C8orf88: variants seen among roughly 807,000 people sequenced by gnomAD.
The protein encoded by C8orf88 is chromosome 8 open reading frame 88.
Under a neutral mutation model 18.4 loss-of-function variants are expected in C8orf88, and 14 were observed. The ratio of observed to expected loss-of-function variants is 0.76; its 90% CI spans 0.50 to 1.19. The LOEUF is 1.19. Ranked by LOEUF, C8orf88 falls within the 50% of genes most tolerant of loss-of-function variation. The pLI is 0.00. For synonymous variants in C8orf88, 45 were observed against 42.9 expected, an observed-to-expected ratio of 1.05 and a Z score of -0.19; for missense variants, 116 against 134.7, an observed-to-expected ratio of 0.86 and a Z score of 0.69.
chr8:90,959,089 AGTTT>A (rs1426234382), intron 5 of C8orf88, 59 bp from the exon 6 acceptor site: 1 of 803,182 alleles, frequency 1.2e-6, no homozygotes, highest in Non-Finnish European at 1.9e-6. Context: ...TTTACTAATT[AGTTT>A]ATCAAACCAA....
intron 1 of C8orf88, among the ~76,000 whole-genome samples, chr8:90,983,240 T>C (rs1211203154): frequency 1.3e-5 from 2 of 152,188 alleles, no homozygotes; most frequent in African/African-American, 2.4e-5. Context: ...TGTATAGTTT[T>C]GTGGTATAAA....
At chr8:90,971,019 T>C (rs1489902772) in intron 4 of C8orf88, 47 bp downstream of exon 4, 1 of 1,105,420 alleles carries the variant, frequency 9.0e-7, no homozygotes, top group South Asian at 1.5e-5. Flanking sequence ...TTTATATGAA[T>C]GCTAAGACAT....
At chr8:90,970,982 G>T (rs1373960961) in intron 4 of C8orf88, 84 bp downstream of exon 4, 5 of 694,640 alleles carry the variant, frequency 7.2e-6, no homozygotes, top group Non-Finnish European at 1.1e-5. Context: ...ATATAAGTTT[G>T]CATCTAAGTG....
intron 1 of C8orf88, among the ~76,000 whole-genome samples, chr8:90,980,996 T>C (rs958557350): frequency 4.6e-5 from 7 of 152,230 alleles, no homozygotes; most frequent in African/African-American, 1.7e-4. Context: ...AATTTGGCTT[T>C]GGTCTTCTTA....
Position 90,960,725 on chromosome 8 carries a change from C to G in C8orf88, c.330+17G>C, listed in dbSNP as rs556058624. Reference sequence around the variant, plus strand: ...TTGTAATATAATATTACAATACAAACTTAGAAAACTACTTACTGGTTTTTG... The same window carrying G: ...TTGTAATATAATATTACAATACAAAGTTAGAAAACTACTTACTGGTTTTTG... On this transcript the variant is annotated intron_variant, in intron 5 of 5. Transcript: ENST00000517562. 27 of 1,432,250 alleles carry G rather than the reference C, an allele frequency of 1.9e-5. 1 individual carries two copies. In the South Asian group the frequency reaches 2.9e-4, roughly 15 times the overall value. 88.7% of individuals were successfully genotyped at this position (1,432,250 alleles called of 1,614,324 possible).
chr8:90,958,795 T>C lies in C8orf88; in HGVS notation c.*212A>G, dbSNP rs965955458. On this transcript the variant is annotated 3_prime_UTR_variant, in exon 6 of 6. Coordinates refer to ENST00000517562, the MANE Select transcript of C8orf88 (RefSeq NM_001190972.2). ...CCAAATTCCTACTTTCCAGTGTTAC[T>C]TCCCAATTTATGCAGGAAACCTCCT... 2 of 411,820 alleles carry C rather than the reference T, an allele frequency of 4.9e-6. No individual in the cohort carries two copies. Among genetic ancestry groups the C allele is most frequent in the Non-Finnish European group, 8.6e-6 (2 of 232,492 alleles). 25.5% of individuals were successfully genotyped at this position (411,820 alleles called of 1,614,324 possible).
At position 90,958,891 on chromosome 8, in the gene C8orf88, A is replaced by G; in HGVS notation, c.*116T>C. The G allele has an allele frequency of 1.6e-6, 1 of 624,598 alleles. No homozygotes were observed. Among genetic ancestry groups the G allele is most frequent in the Non-Finnish European group, 2.6e-6 (1 of 378,494 alleles). The allele number at this position is 624,598 out of a possible 1,614,324, so 38.7% of individuals were successfully genotyped here. A position where few individuals can be genotyped will look rare whatever the true frequency, so the allele number is the denominator to read the frequency against. On this transcript the variant is annotated 3_prime_UTR_variant, in exon 6 of 6. Transcript: ENST00000517562. The stretch of plus-strand genomic sequence containing the variant: ...TCTTTCTCATTTTTAGAGAAGTCAA[A>G]TAGCCAACCATCAAAATTAAGAATA...
intron 1 of C8orf88, among the ~76,000 whole-genome samples, chr8:90,984,720 G>C (rs1047824234): frequency 6.6e-6 from 1 of 152,140 alleles, no homozygotes; most frequent in African/African-American, 2.4e-5. Context: ...CACCAGCAAT[G>C]AAAACCTTGT....
At chr8:90,983,121 T>C (rs1811456281) in intron 1 of C8orf88, among the ~76,000 whole-genome samples, 1 of 152,146 alleles carries the variant, frequency 6.6e-6, no homozygotes, top group African/African-American at 2.4e-5. Flanking sequence ...ATGTATCATA[T>C]CAACGATTCA....
At position 90,974,533 on chromosome 8, in the gene C8orf88, G is replaced by A. The variant is rs550682331; in HGVS notation, c.148-3392C>T. On this transcript the variant is annotated intron_variant, in intron 3 of 5. Transcript: ENST00000517562. ...TACATGACTACACTAAAGTGAGATA[G>A]GGCCAGCTCAGTCCAGTCATCCCAG... is the stretch of plus-strand genomic sequence containing the variant. Among the ~76,000 whole-genome samples, 24 of 152,206 alleles carry A rather than the reference G, an allele frequency of 1.6e-4. No individual in the cohort carries two copies. The South Asian group carries it at 4.6e-3, about 29-fold the overall frequency.
At position 90,971,122 on chromosome 8, in the gene C8orf88, T is replaced by C. The variant is rs775995223; in HGVS notation, c.167A>G (p.Gln56Arg). 2.0e-6 allele frequency: 3 copies of C among 1,521,452 alleles called. No homozygotes were observed. In the South Asian group the frequency reaches 3.7e-5, roughly 19 times the overall value. 94.2% of individuals were successfully genotyped at this position (1,521,452 alleles called of 1,614,324 possible). The change falls in exon 4 of 6, where the codon CAA becomes CGA. Residue 56 changes from glutamine to arginine, a missense_variant. Gln to Arg is a conservative substitution (Grantham distance 43). Coordinates refer to ENST00000517562, the MANE Select transcript of C8orf88 (RefSeq NM_001190972.2). Reference sequence around the variant, plus strand: ...CTCATTAAGACCTTGAGAAAAGGCTTGCATTCCATTCGTCTTACACTGTTA... The same window carrying C: ...CTCATTAAGACCTTGAGAAAAGGCTCGCATTCCATTCGTCTTACACTGTTA... Reference protein sequence around the residue: ...GVSRCKTNGMQAFSQGLNEQQ... With the variant: ...GVSRCKTNGMRAFSQGLNEQQ...
intron 3 of C8orf88, among the ~76,000 whole-genome samples, chr8:90,978,306 G>A (rs1196840381): frequency 2.6e-5 from 4 of 152,100 alleles, no homozygotes; most frequent in Non-Finnish European, 5.9e-5. Context: ...CCATGGGCAG[G>A]ACGGGAAGGA....
At chr8:90,975,494 AGAAAGAAAAACG>A (rs1178352109) in intron 3 of C8orf88, among the ~76,000 whole-genome samples, 3 of 152,122 alleles carry the variant, frequency 2.0e-5, no homozygotes, top group Non-Finnish European at 2.9e-5. Flanking sequence ...ATTTTTTTAA[AGAAAGAAAAACG>A]GAAAGAAAAA....
rs1186200088 is a variant in C8orf88 at position 90,985,236 on chromosome 8, G to C, written c.-149C>G. 1 of 149,470 alleles carries C rather than the reference G, an allele frequency of 6.7e-6. No homozygotes were observed. 9.3% of individuals were successfully genotyped at this position (149,470 alleles called of 1,614,324 possible). A position where few individuals can be genotyped will look rare whatever the true frequency, so the allele number is the denominator to read the frequency against. ...TGCCGCTGGTCCGCTGGCTGACCGC[G>C]GTGGCGGCGGCGGGGGGCGAGGGGC... On this transcript the variant is annotated 5_prime_UTR_variant, in exon 1 of 6. Transcript: ENST00000517562.
chr8:90,982,041 A>G (rs918553901), intron 1 of C8orf88, among the ~76,000 whole-genome samples: 2 of 152,178 alleles, frequency 1.3e-5, no homozygotes, highest in Non-Finnish European at 2.9e-5. Context: ...TTATAAACTT[A>G]TAAACAACCT....
chr8:90,980,331 A>C (rs1811414684), intron 2 of C8orf88, 32 bp downstream of exon 2: 2 of 1,364,012 alleles, frequency 1.5e-6, no homozygotes. Flanking sequence ...TAACACATTA[A>C]TATTTAAAGA....
intron 4 of C8orf88, among the ~76,000 whole-genome samples, chr8:90,969,747 G>A (rs1489594076): frequency 6.6e-6 from 1 of 151,814 alleles, no homozygotes; most frequent in Non-Finnish European, 1.5e-5. Flanking sequence ...TGTACTAAAA[G>A]CCATTTAATT....
chr8:90,973,464 T>G (rs183305443), intron 3 of C8orf88, among the ~76,000 whole-genome samples: 1 of 152,076 alleles, frequency 6.6e-6, no homozygotes, highest in Non-Finnish European at 1.5e-5. Flanking sequence ...CCAATATGCA[T>G]GCCCAGATTT....
At chr8:90,968,107 A>G (rs910495276) in intron 4 of C8orf88, among the ~76,000 whole-genome samples, 3 of 151,762 alleles carry the variant, frequency 2.0e-5, no homozygotes, top group Non-Finnish European at 3.0e-5. Flanking sequence ...AAGACCCCTA[A>G]ACAGCCAGAA....
Sources: allele counts gnomAD v4.1 joint callset (sites outside exome capture counted in the v4.1 genomes callset), GRCh38; gene constraint gnomAD v4.1.1; transcripts MANE v1.5; gene names NCBI Gene and HGNC (gene_info 2026-07-23, HGNC 2026-07-21).